The following GLT1D1 variants were observed in gnomAD, a reference collection of about 807,000 sequenced individuals.
The protein encoded by GLT1D1 is glycosyltransferase 1 domain-containing protein 1.
Under a neutral mutation model 28.7 loss-of-function variants are expected in GLT1D1, and 21 were observed. The observed-to-expected ratio is 0.73, with a 90% CI of 0.52 to 1.05. The LOEUF is 1.05. Ranked by LOEUF, GLT1D1 falls within the 50% of genes least tolerant of loss-of-function variation. The pLI, the probability that GLT1D1 is intolerant of heterozygous loss-of-function variation, is 0.00. For synonymous variants in GLT1D1, 147 were observed against 124.8 expected (o/e 1.18, Z -1.19); for missense variants, 343 against 330.6 (o/e 1.04, Z -0.29).
chr12:128,853,954 G>A (rs1956139908), intron 1 of GLT1D1, among the ~76,000 whole-genome samples: 1 of 152,036 alleles, frequency 6.6e-6, no homozygotes, highest in African/African-American at 2.4e-5. Flanking sequence ...AGGCCTCGCT[G>A]CAGAAGCAGG....
At chr12:128,939,091 G>T (rs996975259) in intron 4 of GLT1D1, among the ~76,000 whole-genome samples, 14 of 152,142 alleles carry the variant, frequency 9.2e-5, no homozygotes, top group African/African-American at 2.7e-4. Context: ...AGACGAGGTT[G>T]CATAAGATGA....
In GLT1D1 at chr12:128,947,352, G is replaced by A. The variant is rs1876233970; in HGVS notation, c.434G>A (p.Arg145Gln). The change falls in exon 6 of 8, where the codon CGA (arginine) becomes CAA (glutamine). Residue 145 changes from arginine (R) to glutamine (Q), a missense_variant. Arg to Gln is a conservative substitution (Grantham distance 43, BLOSUM62 1). Transcript: ENST00000281703. Reference sequence around the variant, plus strand: ...TTGTGTTTCAGAGCCGCTGGGGTACGATTGATTGGAGAGATGCCTCAAGAA... The same window carrying A: ...TTGTGTTTCAGAGCCGCTGGGGTACAATTGATTGGAGAGATGCCTCAAGAA... 9 of 1,613,924 alleles carry A rather than the reference G, an allele frequency of 5.6e-6. No individual in the cohort carries two copies. Among genetic ancestry groups the A allele is most frequent in the South Asian group, 1.1e-5 (1 of 91,074 alleles).
At chr12:128,961,456 A>G (rs558537) in intron 7 of GLT1D1, among the ~76,000 whole-genome samples, 54,720 of 152,098 alleles carry the variant, frequency 0.36, 10,612 homozygotes, top group Admixed American at 0.52. Flanking sequence ...TGTGGTACAT[A>G]TGGCCAGTGG....
rs753684919 is a variant in GLT1D1 at position 128,927,171 on chromosome 12, T to C, written c.376-18155T>C. The C allele has an allele frequency of 1.8e-5, 27 of 1,515,782 alleles. No individual in the cohort carries two copies. In the Admixed American group the frequency reaches 2.9e-4, roughly 17 times the overall value. The allele number at this position is 1,515,782 out of a possible 1,614,324, so 93.9% of individuals were successfully genotyped here. On this transcript the variant is annotated intron_variant, in intron 4 of 7. Transcript: ENST00000281703. Reference sequence around the variant, plus strand: ...GGTCCTGAAGTAAGTTGATGTGCAGTAAACACTTATCTCATCTCTGTTTTC... The same window carrying C: ...GGTCCTGAAGTAAGTTGATGTGCAGCAAACACTTATCTCATCTCTGTTTTC...
At chr12:128,890,334 T>C (rs1425308096) in intron 3 of GLT1D1, among the ~76,000 whole-genome samples, 3 of 152,166 alleles carry the variant, frequency 2.0e-5, no homozygotes, top group Admixed American at 6.6e-5. Context: ...CCCATTATAA[T>C]CTTTGAACTC....
At chr12:128,895,083 A>T (rs1869477270) in intron 3 of GLT1D1, among the ~76,000 whole-genome samples, 1 of 151,956 alleles carries the variant, frequency 6.6e-6, no homozygotes, top group Non-Finnish European at 1.5e-5. Flanking sequence ...TGGCATCGTA[A>T]AATGTCCCTG....
intron 1 of GLT1D1, among the ~76,000 whole-genome samples, chr12:128,873,767 T>A (rs927956940): frequency 2.6e-5 from 4 of 152,316 alleles, no homozygotes; most frequent in African/African-American, 9.6e-5. Flanking sequence ...TTGTATTTCT[T>A]TTTCTATGGA....
intron 4 of GLT1D1, among the ~76,000 whole-genome samples, chr12:128,901,395 C>T (rs1427969454): frequency 1.3e-5 from 2 of 151,942 alleles, no homozygotes; most frequent in Non-Finnish European, 2.9e-5. Context: ...GCTAGGATTA[C>T]AGGCGTGAGC....
chr12:128,953,506 C>A (rs470432), intron 6 of GLT1D1, among the ~76,000 whole-genome samples: 46,079 of 152,012 alleles, frequency 0.3, 7,337 homozygotes, highest in East Asian at 0.44. Flanking sequence ...GAAGTCCAAT[C>A]TTCCTATTTT....
intron 7 of GLT1D1, among the ~76,000 whole-genome samples, chr12:128,959,850 A>C (rs377008490): frequency 6.6e-6 from 1 of 152,054 alleles, no homozygotes; most frequent in African/African-American, 2.4e-5. Context: ...CCATCTCCCA[A>C]AAGGCAACGT....
At chr12:128,855,244 C>CAAAAA (rs58029693) in intron 1 of GLT1D1, among the ~76,000 whole-genome samples, 1 of 102,406 alleles carries the variant, frequency 9.8e-6, no homozygotes, top group South Asian at 3.0e-4. Flanking sequence ...AAAAAAAAAA[C>CAAAAA]AACAACAACA....
At chr12:128,874,182 C>CTT (rs1322313690) in intron 1 of GLT1D1, among the ~76,000 whole-genome samples, 36 of 125,690 alleles carry the variant, frequency 2.9e-4, no homozygotes, top group African/African-American at 1.1e-3. Flanking sequence ...TTCTTTTTTT[C>CTT]TCTTTCTTTC....
In GLT1D1 at chr12:128,921,014, G is replaced by A. The variant is rs143035761; in HGVS notation, c.375+21727G>A. On this transcript the variant is annotated intron_variant, in intron 4 of 7. Transcript: ENST00000281703. ...AATTTATACCACCTTAAAGCTGTCA[G>A]GGGCTTTAGGGAGCCCGAAGTGTAA... Among the ~76,000 whole-genome samples the A allele has an allele frequency of 2.1e-4, 32 of 152,308 alleles. No individual in the cohort carries two copies. In the East Asian group the frequency reaches 3.9e-3, roughly 18 times the overall value.
intron 7 of GLT1D1, among the ~76,000 whole-genome samples, chr12:128,982,430 G>T (rs1880405511): frequency 6.6e-6 from 1 of 152,208 alleles, no homozygotes; most frequent in African/African-American, 2.4e-5. Flanking sequence ...GTATTGTGAA[G>T]ACAGGCTTGG....
intron 1 of GLT1D1, 120 bp from the exon 2 acceptor site, chr12:128,875,794 C>G (rs1956854529): frequency 2.1e-6 from 2 of 964,140 alleles, no homozygotes; most frequent in Non-Finnish European, 3.1e-6. Context: ...GAGTGAAACT[C>G]TGTCTCAACA....
intron 6 of GLT1D1, among the ~76,000 whole-genome samples, chr12:128,956,025 G>T (rs896451617): frequency 6.6e-6 from 1 of 151,564 alleles, no homozygotes; most frequent in East Asian, 1.9e-4. Context: ...CGGGCGTGAT[G>T]GCGGGCGCCT....
chr12:128,888,494 A>C, intron 2 of GLT1D1, 145 bp from the exon 3 acceptor site: 1 of 611,862 alleles, frequency 1.6e-6, no homozygotes, highest in Admixed American at 2.9e-5. Flanking sequence ...TCTGCTATCC[A>C]GGAGAGGTGG....
chr12:128,967,353 TTTCA>T (rs1188345943), intron 7 of GLT1D1, among the ~76,000 whole-genome samples: 3 of 152,256 alleles, frequency 2.0e-5, no homozygotes, highest in Non-Finnish European at 4.4e-5. Flanking sequence ...GCCTCCAAAC[TTTCA>T]TTCAGGCAGG....
At chr12:128,953,916 T>C (rs934584326) in intron 6 of GLT1D1, among the ~76,000 whole-genome samples, 2 of 151,678 alleles carry the variant, frequency 1.3e-5, no homozygotes, top group African/African-American at 4.9e-5. Context: ...TGGCTAATTT[T>C]TGTCTTTTTA....
Sources: allele counts gnomAD v4.1 joint callset (sites outside exome capture counted in the v4.1 genomes callset), GRCh38; gene constraint gnomAD v4.1.1; transcripts MANE v1.5; gene names NCBI Gene and HGNC (gene_info 2026-07-23, HGNC 2026-07-21).